The following NOC2L variants were observed in gnomAD, a reference collection of about 807,000 sequenced individuals.
NOC2L encodes NOC2 like nucleolar associated transcriptional repressor.
A neutral mutation model predicts 94.2 loss-of-function variants in NOC2L; 101 were observed. That is an observed-to-expected ratio of 1.07 (90% CI 0.91 to 1.26). NOC2L has a LOEUF of 1.26. Among genes scored for constraint, NOC2L ranks in the 50% most tolerant of loss-of-function variants. NOC2L has a pLI of 0.00. For missense variants in NOC2L, 1,076 were observed against 980.1 expected (o/e 1.10, Z -1.31); for synonymous variants, 531 against 413.4 (o/e 1.28, Z -3.45).
At chr1:946,348 G>T in intron 15 of NOC2L, 54 bp downstream of exon 15, 3 of 1,612,876 alleles carry the variant, frequency 1.9e-6, no homozygotes, top group Non-Finnish European at 2.5e-6. Context: ...CATGTAGCTG[G>T]GGCTATACCC....
At position 951,133 on chromosome 1, in the gene NOC2L, G is replaced by A. The variant is rs759669538; in HGVS notation, c.1437C>T (p.Ile479=). The A allele has an allele frequency of 1.8e-5, 28 of 1,578,566 alleles. No homozygotes were observed. The highest frequency in any genetic ancestry group is 2.3e-5 in the East Asian group (1 of 42,908). The change falls in exon 12 of 19, where the codon ATC becomes ATT. Residue 479 remains isoleucine (I), a synonymous_variant. Coordinates refer to ENST00000327044, the MANE Select transcript of NOC2L (RefSeq NM_015658.4). ...CCACCACAGCCTCACTCACCTCCAG[G>A]ATGAAAGGCAGCACCGGGATGAAGG... is the stretch of plus-strand genomic sequence containing the variant. ...SGAFIPVLPF[I]LEMFQQVDFN... is the part of the protein sequence containing the mutation.
chr1:953,315 G>GC (rs753202887), intron 8 of NOC2L, 27 bp from the exon 9 acceptor site: 6 of 1,367,026 alleles, frequency 4.4e-6, no homozygotes, highest in Admixed American at 3.4e-5. Context: ...GTCACTGGTG[G>GC]CCCCCCAGCC....
At chr1:951,545 A>G (rs1642261040) in intron 11 of NOC2L, among the ~76,000 whole-genome samples, 1 of 152,068 alleles carries the variant, frequency 6.6e-6, no homozygotes, top group Non-Finnish European at 1.5e-5. Flanking sequence ...TGAGTTTCTA[A>G]GGCTCAGCCA....
Position 948,946 on chromosome 1 carries a change from A to G in NOC2L, c.1444-343T>C, listed in dbSNP as rs536415170. Among the ~76,000 whole-genome samples the G allele has an allele frequency of 9.9e-5, 15 of 152,244 alleles. No individual in the cohort carries two copies. The South Asian group carries it at 3.1e-3, about 32-fold the overall frequency. On this transcript the variant is annotated intron_variant, in intron 12 of 18. Coordinates refer to ENST00000327044, the MANE Select transcript of NOC2L (RefSeq NM_015658.4). ...TCCCTGCCACACAGAGTACCAGGAC[A>G]GCCCCCATTCCTGACAACATGGCAC...
Position 954,223 on chromosome 1 carries a change from G to A in NOC2L, c.699-141C>T, listed in dbSNP as rs1050116213. The A allele has an allele frequency of 2.2e-5, 16 of 729,994 alleles. No homozygotes were observed. In the African/African-American group the frequency reaches 2.9e-4, roughly 13 times the overall value. The allele number at this position is 729,994 out of a possible 1,614,324, so 45.2% of individuals were successfully genotyped here. A position where few individuals can be genotyped will look rare whatever the true frequency, so the allele number is the denominator to read the frequency against. On this transcript the variant is annotated intron_variant, in intron 6 of 18. Transcript: ENST00000327044. ...CCGTCTCTCCACTCAAAAAAGCTCA[G>A]GGCCCCTTACAGCTGGACAGACACA...
intron 10 of NOC2L, 42 bp downstream of exon 10, chr1:952,370 A>G: frequency 6.2e-7 from 1 of 1,603,326 alleles, no homozygotes; most frequent in Non-Finnish European, 8.5e-7. Context: ...GGGCTGCCCC[A>G]CCCCATGCCC....
chr1:945,209 G>C, intron 17 of NOC2L, 63 bp from the exon 18 acceptor site: 1 of 1,536,994 alleles, frequency 6.5e-7, no homozygotes, highest in South Asian at 1.2e-5. Context: ...CAAAGTCACA[G>C]TGGGGGCAGG....
rs1049455458 is a variant in NOC2L at position 950,516 on chromosome 1, T to G, written c.1443+611A>C. ...TGGTATACAAAGACACATGCACAGG[T>G]GCACACACGCAAAGGTACACGCAAA... is the stretch of plus-strand genomic sequence containing the variant. On this transcript the variant is annotated intron_variant, in intron 12 of 18. Transcript: ENST00000327044. Among the ~76,000 whole-genome samples the G allele has an allele frequency of 5.3e-5, 8 of 151,408 alleles. 1 individual carries two copies. The highest frequency in any genetic ancestry group is 4.6e-4 in the Admixed American group (7 of 15,266).
chr1:952,212 G>T, intron 10 of NOC2L, 73 bp from the exon 11 acceptor site: 1 of 1,558,404 alleles, frequency 6.4e-7, no homozygotes, highest in Non-Finnish European at 8.8e-7. Flanking sequence ...TCCTGGGCCG[G>T]CACAGGAATC....
At chr1:953,430 G>A in intron 8 of NOC2L, 142 bp from the exon 9 acceptor site, 1 of 631,168 alleles carries the variant, frequency 1.6e-6, no homozygotes, top group Non-Finnish European at 2.9e-6. Context: ...CCGTGAGTTA[G>A]GTGCTCAGTT....
chr1:944,567 A>G lies in NOC2L; in HGVS notation c.*127T>C. ...TCTTTCATGCTGAAAAATAAATAATAAAGCCTGTCCCGTGTCTACTGCCTC... is the reference window on the plus strand; with the variant it reads ...TCTTTCATGCTGAAAAATAAATAATGAAGCCTGTCCCGTGTCTACTGCCTC... On this transcript the variant is annotated 3_prime_UTR_variant, in exon 19 of 19. Transcript: ENST00000327044. 1 of 639,882 alleles carries G rather than the reference A, an allele frequency of 1.6e-6. No homozygotes were observed. Among genetic ancestry groups the G allele is most frequent in the Non-Finnish European group, 2.7e-6 (1 of 376,776 alleles). The allele number at this position is 639,882 out of a possible 1,614,324, so 39.6% of individuals were successfully genotyped here. A position where few individuals can be genotyped will look rare whatever the true frequency, so the allele number is the denominator to read the frequency against.
At chr1:946,130 A>C in intron 16 of NOC2L, 43 bp downstream of exon 16, 2 of 1,401,488 alleles carry the variant, frequency 1.4e-6, no homozygotes, top group Non-Finnish European at 2.0e-6. Context: ...TCTGAAACCC[A>C]GGAAGTCACA....
At chr1:947,679 C>T (rs531480317) in intron 14 of NOC2L, among the ~76,000 whole-genome samples, 22 of 152,298 alleles carry the variant, frequency 1.4e-4, no homozygotes, top group African/African-American at 4.3e-4. Flanking sequence ...GGGTATTTAG[C>T]GGGGCAGGCT....
intron 18 of NOC2L, 79 bp downstream of exon 18, chr1:944,978 A>C (rs1001299910): frequency 2.5e-5 from 40 of 1,600,190 alleles, no homozygotes; most frequent in Middle Eastern, 1.7e-4. Context: ...CCAGAGCCCC[A>C]CGCCCCCCGC....
In NOC2L at chr1:944,278, A is replaced by G; in HGVS notation, c.*416T>C. 2 of 1,436,842 alleles carry G rather than the reference A, an allele frequency of 1.4e-6. No individual in the cohort carries two copies. The highest frequency in any genetic ancestry group is 1.7e-5 in the South Asian group (1 of 59,912). The allele number at this position is 1,436,842 out of a possible 1,614,324, so 89.0% of individuals were successfully genotyped here. A position where few individuals can be genotyped will look rare whatever the true frequency, so the allele number is the denominator to read the frequency against. On this transcript the variant is annotated 3_prime_UTR_variant, in exon 19 of 19. Coordinates refer to ENST00000327044, the MANE Select transcript of NOC2L (RefSeq NM_015658.4). ...GCAAAACAAAAAATTTTAAAAGAAAATGTGACTTCAAAGGAAAGGAACAAA... is the reference window on the plus strand; with the variant it reads ...GCAAAACAAAAAATTTTAAAAGAAAGTGTGACTTCAAAGGAAAGGAACAAA...
chr1:958,968 G>A lies in NOC2L; in HGVS notation c.140C>T (p.Ala47Val). ...QAETREAREA[A>V]RSPDKPGGSP... ...CCCGCCCGGCTTATCCGGACTCCGG[G>A]CAGCCTCGCGTGCTTCCCGTGTCTC... is the stretch of plus-strand genomic sequence containing the variant. Residue 47 changes from alanine (A) to valine (V), a missense_variant, in exon 2 of 19, where the codon GCC becomes GTC. This residue lies in a region of NOC2L where 457 missense variants were observed against 386.0 expected (regional missense o/e 1.18). Coordinates refer to ENST00000327044, the MANE Select transcript of NOC2L (RefSeq NM_015658.4). 1 of 1,612,794 alleles carries A rather than the reference G, an allele frequency of 6.2e-7. No individual in the cohort carries two copies. Among genetic ancestry groups the A allele is most frequent in the Non-Finnish European group, 8.5e-7 (1 of 1,179,974 alleles).
In NOC2L at chr1:954,153, C is replaced by T. The variant is rs759802843; in HGVS notation, c.699-71G>A. The T allele has an allele frequency of 2.0e-5, 29 of 1,480,790 alleles. No homozygotes were observed. The East Asian group carries it at 2.1e-4, about 10-fold the overall frequency. 91.7% of individuals were successfully genotyped at this position (1,480,790 alleles called of 1,614,324 possible). On this transcript the variant is annotated intron_variant, in intron 6 of 18. Transcript: ENST00000327044. ...GACGCGAGGCTGCTCAGCATGTTGG[C>T]GCGTGCCCTGGCCAGCATAGCCTCT...
intron 13 of NOC2L, 50 bp downstream of exon 13, chr1:948,440 A>C (rs1642173818): frequency 8.1e-6 from 11 of 1,366,272 alleles, no homozygotes; most frequent in Non-Finnish European, 1.1e-5. Flanking sequence ...CAGCACCCCC[A>C]ACCCCACCCT....
chr1:951,378 C>T (rs1270966931), intron 11 of NOC2L, 140 bp from the exon 12 acceptor site: 1 of 667,576 alleles, frequency 1.5e-6, no homozygotes, highest in Non-Finnish European at 2.7e-6. Flanking sequence ...CCCCAGGGAC[C>T]TGCACCCCTT....
Sources: gnomAD v4.1 joint callset for allele counts (sites outside exome capture counted in the v4.1 genomes callset) on GRCh38, gnomAD v4.1.1 for gene constraint, gnomAD v4.1.1 regional missense constraint, MANE v1.5 for transcripts, NCBI Gene and HGNC (gene_info 2026-07-23, HGNC 2026-07-21) for gene names.